RBFOX1: variants seen among roughly 807,000 people sequenced by gnomAD.
RBFOX1 encodes RNA binding protein fox-1 homolog 1.
RBFOX1 carries 8 observed loss-of-function variants against 57.7 expected under a neutral mutation model. That is an observed-to-expected ratio of 0.14 (90% CI 0.08 to 0.25). RBFOX1 has a LOEUF of 0.25. Ranked by LOEUF, RBFOX1 falls within the 10% of genes least tolerant of loss-of-function variation. The pLI is 1.00. For synonymous variants in RBFOX1, 326 were observed against 222.4 expected, an observed-to-expected ratio of 1.47 and a Z score of -4.15; for missense variants, 611 against 548.5, an observed-to-expected ratio of 1.11 and a Z score of -1.14.
intron 3 of RBFOX1, among the ~76,000 whole-genome samples, chr16:6,863,741 T>C (rs1233772741): frequency 8.7e-6 from 1 of 115,232 alleles, no homozygotes; most frequent in Admixed American, 1.1e-4. Flanking sequence ...TTTTTTTTTT[T>C]TTTTTTTTTT....
chr16:7,317,292 G>A (rs982209736), intron 4 of RBFOX1, among the ~76,000 whole-genome samples: 1 of 152,052 alleles, frequency 6.6e-6, no homozygotes. Flanking sequence ...GTCAGACTTC[G>A]GCAGGCTTTG....
chr16:5,379,137 G>A (rs531114685), intron 1 of RBFOX1, among the ~76,000 whole-genome samples: 1 of 151,738 alleles, frequency 6.6e-6, no homozygotes, highest in African/African-American at 2.4e-5. Context: ...CGGACCTCAT[G>A]CCGTTAGGAG....
At chr16:7,118,136 C>T (rs915118661) in intron 4 of RBFOX1, among the ~76,000 whole-genome samples, 1 of 152,042 alleles carries the variant, frequency 6.6e-6, no homozygotes, top group African/African-American at 2.4e-5. Flanking sequence ...CTATTTTTAG[C>T]TCTTTGAGAA....
intron 3 of RBFOX1, among the ~76,000 whole-genome samples, chr16:7,050,897 TA>T (rs1248096759): frequency 6.6e-6 from 1 of 152,124 alleles, no homozygotes; most frequent in Non-Finnish European, 1.5e-5. Context: ...TATTTCTGGG[TA>T]AAAGGGCATA....
chr16:7,378,786 G>A (rs1042608544), intron 4 of RBFOX1, among the ~76,000 whole-genome samples: 63 of 152,134 alleles, frequency 4.1e-4, no homozygotes, highest in Non-Finnish European at 1.3e-4. Flanking sequence ...ACACTCTTGG[G>A]CACACTGCAA....
intron 3 of RBFOX1, among the ~76,000 whole-genome samples, chr16:6,925,488 A>C (rs760809460): frequency 7.0e-6 from 1 of 142,294 alleles, no homozygotes; most frequent in Non-Finnish European, 1.6e-5. Flanking sequence ...TTATTGTCCT[A>C]TCCACCCTAT....
intron 4 of RBFOX1, among the ~76,000 whole-genome samples, chr16:5,925,920 T>C (rs2058931339): frequency 6.6e-6 from 1 of 152,158 alleles, no homozygotes; most frequent in Admixed American, 6.6e-5. Context: ...TGGGCCAAGC[T>C]TATCTCTCCG....
intron 4 of RBFOX1, chr16:7,510,143 C>T (rs924899087): frequency 1.0e-6 from 1 of 985,698 alleles, no homozygotes; most frequent in Non-Finnish European, 1.2e-6. Flanking sequence ...GGGAGGTCAG[C>T]CAGGCGGCCT....
chr16:6,127,650 G>A (rs1382110493), intron 1 of RBFOX1, among the ~76,000 whole-genome samples: 1 of 152,122 alleles, frequency 6.6e-6, no homozygotes, highest in African/African-American at 2.4e-5. Context: ...CTGCGTCCCA[G>A]CAAGGACAGT....
chr16:7,559,303 ATCTCTTTCTCTCAGTCTC>A (rs997773734), intron 5 of RBFOX1, among the ~76,000 whole-genome samples: 5 of 145,856 alleles, frequency 3.4e-5, no homozygotes, highest in African/African-American at 1.4e-4. Flanking sequence ...TACATTATAC[ATCTCTTTCTCTCAGTCTC>A]TCTCTTTCTC....
At chr16:6,950,113 A>ATT (rs58222300) in intron 3 of RBFOX1, among the ~76,000 whole-genome samples, 3,910 of 120,818 alleles carry the variant, frequency 0.032, 189 homozygotes, top group African/African-American at 0.1. Context: ...CGCAGAGGTA[A>ATT]TTTTTTTTTT....
intron 14 of RBFOX1, among the ~76,000 whole-genome samples, chr16:7,692,891 T>A (rs1280162547): frequency 2.6e-5 from 4 of 151,712 alleles, no homozygotes; most frequent in African/African-American, 9.7e-5. Flanking sequence ...TTTTTCTTAT[T>A]TTTTTTTGAT....
At chr16:6,466,059 T>C (rs1213944277) in intron 2 of RBFOX1, among the ~76,000 whole-genome samples, 1 of 151,952 alleles carries the variant, frequency 6.6e-6, no homozygotes, top group Non-Finnish European at 1.5e-5. Flanking sequence ...TGAAACCCCA[T>C]CTCTACTAAA....
chr16:7,503,419 T>G (rs992845060), intron 4 of RBFOX1, among the ~76,000 whole-genome samples: 1 of 152,226 alleles, frequency 6.6e-6, no homozygotes, highest in Non-Finnish European at 1.5e-5. Context: ...TATGATGGAA[T>G]AAGTCACACA....
chr16:7,185,616 G>A (rs1179272983), intron 4 of RBFOX1, among the ~76,000 whole-genome samples: 1 of 152,168 alleles, frequency 6.6e-6, no homozygotes, highest in Non-Finnish European at 1.5e-5. Context: ...GAAACATCTG[G>A]ACTAATATTT....
At chr16:5,446,149 TAAC>T (rs1210440403) in intron 1 of RBFOX1, among the ~76,000 whole-genome samples, 1 of 152,142 alleles carries the variant, frequency 6.6e-6, no homozygotes, top group Non-Finnish European at 1.5e-5. Context: ...ACCATGGAAG[TAAC>T]AATTCCAGCT....
intron 1 of RBFOX1, among the ~76,000 whole-genome samples, chr16:5,362,928 TC>T (rs1272994486): frequency 1.3e-5 from 2 of 152,192 alleles, no homozygotes; most frequent in African/African-American, 4.8e-5. Context: ...TATCCATTTA[TC>T]CATCACTGCA....
intron 4 of RBFOX1, among the ~76,000 whole-genome samples, chr16:7,115,792 G>A (rs540977014): frequency 6.6e-6 from 1 of 152,340 alleles, no homozygotes; most frequent in South Asian, 2.1e-4. Flanking sequence ...CTGCCCCGAA[G>A]GGGAGGGAGT....
intron 14 of RBFOX1, among the ~76,000 whole-genome samples, chr16:7,702,164 C>T (rs773792216): frequency 1.5e-4 from 23 of 152,192 alleles, no homozygotes; most frequent in Non-Finnish European, 2.8e-4. Flanking sequence ...TGGGATTCTG[C>T]GATTTGAAAA....
Sources: allele counts gnomAD v4.1 joint callset (sites outside exome capture counted in the v4.1 genomes callset), GRCh38; gene constraint gnomAD v4.1.1; transcripts MANE v1.5; gene names NCBI Gene and HGNC (gene_info 2026-07-23, HGNC 2026-07-21).